MACF1: variants seen among roughly 807,000 people sequenced by gnomAD.
The protein encoded by MACF1 is microtubule-actin cross-linking factor 1.
MACF1 carries 193 observed loss-of-function variants against 854.8 expected under a neutral mutation model. That is an observed-to-expected ratio of 0.23 (90% confidence interval 0.20 to 0.25). The LOEUF (loss-of-function observed/expected upper bound fraction) is 0.25, where lower values mean the gene tolerates loss of function less well. Among genes scored for constraint, MACF1 ranks in the 10% least tolerant of loss-of-function variants. The pLI is 1.00. For synonymous variants in MACF1, 3,185 were observed against 3,226.7 expected, an observed-to-expected ratio of 0.99 and a Z score of 0.44; for missense variants, 7,722 against 8,929.1, an observed-to-expected ratio of 0.86 and a Z score of 5.45.
At chr1:39,155,950 C>T (rs1298210050) in intron 2 of MACF1, among the ~76,000 whole-genome samples, 6 of 151,720 alleles carry the variant, frequency 4.0e-5, no homozygotes, top group South Asian at 2.1e-4. Context: ...TGCAGTGGCG[C>T]GATCTAGGCT....
rs753091362 is a variant in MACF1, at chr1:39,451,079, C to G, written c.20286C>G (p.Leu6762=). 4 of 1,613,928 alleles carry G rather than the reference C, an allele frequency of 2.5e-6. No individual in the cohort carries two copies. The highest frequency in any genetic ancestry group is 1.6e-4 in the Middle Eastern group (1 of 6,062). The change falls in exon 85 of 101, where the codon CTC becomes CTG. Residue 6762 remains leucine (L), a synonymous_variant. Transcript: ENST00000564288. ...AGCACAAGTTGGAGGAAGCCCTGCT[C>G]TTTTCGGGTCAGTTCATGGATGCTT... The part of the protein sequence containing the change: ...ERQHKLEEAL[L]FSGQFMDALQ...
chr1:39,376,322 T>G (rs1203387231), intron 52 of MACF1, among the ~76,000 whole-genome samples: 1 of 152,196 alleles, frequency 6.6e-6, no homozygotes, highest in Non-Finnish European at 1.5e-5. Context: ...GAAAATCAGT[T>G]TGAAAATTAC....
At chr1:39,370,885 T>G (rs1324515427) in intron 51 of MACF1, among the ~76,000 whole-genome samples, 1 of 152,168 alleles carries the variant, frequency 6.6e-6, no homozygotes, top group Non-Finnish European at 1.5e-5. Context: ...CTCCTAATAC[T>G]TCTACTTGCT....
Position 39,285,370 on chromosome 1 carries a change from G to T in MACF1, c.1333G>T (p.Ala445Ser). 2 of 1,614,098 alleles carry T rather than the reference G, an allele frequency of 1.2e-6. No homozygotes were observed. Among genetic ancestry groups the T allele is most frequent in the Non-Finnish European group, 1.7e-6 (2 of 1,180,030 alleles). Residue 445 changes from alanine (A) to serine (S), a missense_variant, in exon 13 of 101, where the codon GCT becomes TCT. Physicochemically the swap from Ala to Ser is moderately conservative, Grantham distance 99 (BLOSUM62 1). Around this residue, in one of 15 missense-constraint regions of MACF1, gnomAD observed 1,137 missense variants for 1,263.0 expected, o/e 0.90. Transcript: ENST00000564288. ...ALNCEEKLTL[A>S]KNTLQADAAH... ...GAACTGTGAAGAAAAACTGACACTA[G>T]CTAAGAATACACTGCAGGCTGTAAG...
At chr1:39,173,661 C>T (rs1258454562) in intron 2 of MACF1, among the ~76,000 whole-genome samples, 1 of 152,186 alleles carries the variant, frequency 6.6e-6, no homozygotes, top group African/African-American at 2.4e-5. Flanking sequence ...TGTTATTTCT[C>T]TCTCCAGACC....
At chr1:39,406,445 G>C (rs1642701282) in intron 58 of MACF1, among the ~76,000 whole-genome samples, 2 of 152,098 alleles carry the variant, frequency 1.3e-5, no homozygotes, top group South Asian at 4.1e-4. Context: ...TCCACATCAA[G>C]ATAATTCTTT....
At chr1:39,421,131 C>G (rs1307499395) in intron 58 of MACF1, among the ~76,000 whole-genome samples, 1 of 152,232 alleles carries the variant, frequency 6.6e-6, no homozygotes, top group East Asian at 1.9e-4. Context: ...TCCCAAAGTG[C>G]TGGGATTACA....
Position 39,382,058 on chromosome 1 carries a change from G to A in MACF1, c.13754G>A (p.Arg4585Gln), listed in dbSNP as rs79306726. The A allele has an allele frequency of 0.013, 20,198 of 1,614,098 alleles. 765 individuals carry two copies. Among genetic ancestry groups the A allele is most frequent in the East Asian group, 0.11 (5,030 of 44,874 alleles). ...TTCCAGGCTGCAGAATCCCAGCTCC[G>A]GCCGTGGCTGATGGAGAAAGAACTG... Reference protein sequence around the residue: ...ACFQAAESQLRPWLMEKELMM... With the variant: ...ACFQAAESQLQPWLMEKELMM... Residue 4585 changes from arginine (R) to glutamine (Q), a missense_variant, in exon 56 of 101, where the codon CGG becomes CAG. Arg to Gln is a conservative substitution (Grantham distance 43). Around this residue, in one of 15 missense-constraint regions of MACF1, gnomAD observed 2,807 missense variants for 3,235.8 expected, o/e 0.87. Transcript: ENST00000564288.
chr1:39,292,172 G>A, intron 16 of MACF1, 134 bp downstream of exon 16: 1 of 1,029,578 alleles, frequency 9.7e-7, no homozygotes, highest in Non-Finnish European at 1.4e-6. Context: ...AGCGGTTTAT[G>A]ACAAATTCCC....
At chr1:39,212,237 G>T (rs186791616) in intron 1 of MACF1, among the ~76,000 whole-genome samples, 15 of 152,068 alleles carry the variant, frequency 9.9e-5, no homozygotes, top group Non-Finnish European at 1.3e-4. Flanking sequence ...GGAATGGCTC[G>T]GATGACTCTA....
chr1:39,427,650 T>C, intron 62 of MACF1, 36 bp downstream of exon 62: 2 of 1,590,482 alleles, frequency 1.3e-6, no homozygotes, highest in South Asian at 1.1e-5. Context: ...AATAGAAAAC[T>C]GGAATTAGAA....
chr1:39,467,745 CTT>C (rs1423486744), intron 95 of MACF1: 2 of 152,148 alleles, frequency 1.3e-5, no homozygotes, highest in African/African-American at 2.4e-5. Flanking sequence ...GCTGAAGAAA[CTT>C]TTCTGCTGGT....
At position 39,442,004 on chromosome 1, in the gene MACF1, C is replaced by T. The variant is rs1331107987; in HGVS notation, c.18725C>T (p.Pro6242Leu). 1.9e-6 allele frequency: 3 copies of T among 1,614,148 alleles called. No individual in the cohort carries two copies. The highest frequency in any genetic ancestry group is 1.7e-6 in the Non-Finnish European group (2 of 1,180,022). Reference protein sequence around the residue: ...NTVIKLCTMPPVGTDLNTVKD... With the variant: ...NTVIKLCTMPLVGTDLNTVKD... ...GTGATTAAACTCTGCACCATGCCCC[C>T]TGTTGGCACTGACCTCAATACTGTT... Residue 6242 changes from proline (P) to leucine (L), a missense_variant, in exon 75 of 101, where the codon CCT (proline) becomes CTT (leucine). This residue lies in a region of MACF1 where 2,807 missense variants were observed against 3,235.8 expected (regional missense o/e 0.87). Transcript: ENST00000564288.
chr1:39,364,792 G>A (rs757002455), intron 49 of MACF1, among the ~76,000 whole-genome samples: 13 of 152,024 alleles, frequency 8.6e-5, no homozygotes, highest in Non-Finnish European at 1.8e-4. Flanking sequence ...GCGCCCGGCC[G>A]TAAATGTGGA....
chr1:39,280,008 C>T (rs1373716289), intron 6 of MACF1, among the ~76,000 whole-genome samples: 2 of 151,964 alleles, frequency 1.3e-5, no homozygotes, highest in African/African-American at 4.8e-5. Flanking sequence ...TTACACAGTG[C>T]TTTGAATTAG....
At chr1:39,163,915 T>A (rs1175171341) in intron 2 of MACF1, among the ~76,000 whole-genome samples, 1 of 152,190 alleles carries the variant, frequency 6.6e-6, no homozygotes, top group Non-Finnish European at 1.5e-5. Context: ...ACTAATAAAA[T>A]CACCGAAATC....
At chr1:39,107,761 T>C (rs1382455000) in intron 2 of MACF1, among the ~76,000 whole-genome samples, 2 of 152,070 alleles carry the variant, frequency 1.3e-5, no homozygotes, top group Non-Finnish European at 2.9e-5. Context: ...GATGGGAAAA[T>C]AGATATTGAT....
At chr1:39,465,068 C>T (rs1323085223) in intron 94 of MACF1, 27 bp from the exon 95 acceptor site, 1 of 1,606,942 alleles carries the variant, frequency 6.2e-7, no homozygotes, top group East Asian at 2.2e-5. Flanking sequence ...CTCCTTTCCT[C>T]CATCCTTTAC....
intron 56 of MACF1, among the ~76,000 whole-genome samples, chr1:39,382,598 G>A (rs541003802): frequency 9.2e-4 from 139 of 151,828 alleles, no homozygotes; most frequent in Non-Finnish European, 1.8e-3. Flanking sequence ...CAGCTACTTG[G>A]GAGGCTGAGG....
Sources: allele counts gnomAD v4.1 joint callset (sites outside exome capture counted in the v4.1 genomes callset), GRCh38; gene constraint gnomAD v4.1.1; regional missense constraint gnomAD v4.1.1; transcripts MANE v1.5; gene names NCBI Gene and HGNC (gene_info 2026-07-23, HGNC 2026-07-21).